Variants in GKAP1 observed in about 807,000 individuals in gnomAD.
The protein encoded by GKAP1 is G kinase-anchoring protein 1.
In GKAP1, 31 loss-of-function variants were observed where a neutral mutation model predicts 56.7. The observed-to-expected ratio is 0.55, with a 90% CI of 0.41 to 0.74. GKAP1 has a LOEUF of 0.74. GKAP1 is among the 30% of genes least tolerant of loss of function. The pLI is 0.00. For missense variants in GKAP1, 364 were observed against 402.3 expected (o/e 0.90, Z 0.82); for synonymous variants, 151 against 138.6 (o/e 1.09, Z -0.63).
chr9:83,815,086 C>T (rs1199386777), intron 2 of GKAP1, among the ~76,000 whole-genome samples: 3 of 152,122 alleles, frequency 2.0e-5, no homozygotes, highest in African/African-American at 4.8e-5. Context: ...GCAGGAGAAT[C>T]GCTTGAACCA....
intron 8 of GKAP1, among the ~76,000 whole-genome samples, chr9:83,759,547 T>A (rs143779505): frequency 6.6e-6 from 1 of 152,344 alleles, no homozygotes; most frequent in Non-Finnish European, 1.5e-5. Flanking sequence ...CATGTTGCTA[T>A]GTATAACTAC....
chr9:83,764,059 A>T (rs551751179), intron 8 of GKAP1, among the ~76,000 whole-genome samples: 1 of 152,320 alleles, frequency 6.6e-6, no homozygotes, highest in African/African-American at 2.4e-5. Context: ...AGGTGGCTTT[A>T]AAAAAGATAC....
chr9:83,806,701 A>G, intron 2 of GKAP1, 141 bp from the exon 3 acceptor site: 2 of 559,400 alleles, frequency 3.6e-6, no homozygotes, highest in Non-Finnish European at 6.3e-6. Context: ...CCACAGCACT[A>G]TTAGCAATAA....
rs144114006 is a variant in GKAP1, at chr9:83,759,892, C to T, written c.739-6533G>A. Reference sequence around the variant, plus strand: ...TCAAAAATCTTCAAAAAGTCTTTAACGTCTGCTGACTAAATTATAAACCAG... The same window carrying T: ...TCAAAAATCTTCAAAAAGTCTTTAATGTCTGCTGACTAAATTATAAACCAG... On this transcript the variant is annotated intron_variant, in intron 8 of 12. Coordinates refer to ENST00000376371, the MANE Select transcript of GKAP1 (RefSeq NM_025211.4). 3.9e-3 allele frequency among the ~76,000 whole-genome samples: 591 copies of T among 152,256 alleles called. 10 individuals carry two copies. The highest frequency in any genetic ancestry group is 0.013 in the African/African-American group (555 of 41,554).
At chr9:83,740,380 AAC>A (rs1187575469) in intron 12 of GKAP1, among the ~76,000 whole-genome samples, 1 of 152,172 alleles carries the variant, frequency 6.6e-6, no homozygotes, top group African/African-American at 2.4e-5. Flanking sequence ...AACATAACAT[AAC>A]ATAACATTTT....
intron 8 of GKAP1, among the ~76,000 whole-genome samples, chr9:83,767,541 T>C (rs1372969595): frequency 3.9e-5 from 6 of 152,074 alleles, no homozygotes; most frequent in Admixed American, 3.9e-4. Flanking sequence ...TTTTTATTTT[T>C]AGTGGAGACA....
In GKAP1 at chr9:83,780,423, CAA is replaced by C; in HGVS notation, c.563-21_563-20del. 1 of 498,574 alleles carries C rather than the reference CAA, an allele frequency of 2.0e-6. No individual in the cohort carries two copies. Among genetic ancestry groups the C allele is most frequent in the Non-Finnish European group, 2.9e-6 (1 of 343,306 alleles). 30.9% of individuals were successfully genotyped at this position (498,574 alleles called of 1,614,324 possible). A position where few individuals can be genotyped will look rare whatever the true frequency, so the allele number is the denominator to read the frequency against. On this transcript the variant is annotated intron_variant, in intron 6 of 12. Coordinates refer to ENST00000376371, the MANE Select transcript of GKAP1 (RefSeq NM_025211.4). The stretch of plus-strand genomic sequence containing the variant: ...ATGTGATCTGTAAATGAAAAAGAAA[CAA>C]AGATGAAACTTTATTGAAGGAATTT...
intron 2 of GKAP1, among the ~76,000 whole-genome samples, chr9:83,812,272 T>G (rs908494551): frequency 6.8e-6 from 1 of 147,976 alleles, no homozygotes; most frequent in Non-Finnish European, 1.5e-5. Flanking sequence ...TATATACACA[T>G]ATATATACAC....
chr9:83,784,669 G>A (rs1375577629), intron 6 of GKAP1, 46 bp downstream of exon 6: 3 of 1,343,310 alleles, frequency 2.2e-6, no homozygotes, highest in Middle Eastern at 2.0e-4. Flanking sequence ...GTATAAAACA[G>A]ATGTAGAATA....
chr9:83,804,091 G>C (rs1290554143), intron 3 of GKAP1, among the ~76,000 whole-genome samples: 1 of 150,312 alleles, frequency 6.7e-6, no homozygotes, highest in Non-Finnish European at 1.5e-5. Flanking sequence ...GAGCGTCTCC[G>C]CCCGGCAGCC....
intron 8 of GKAP1, among the ~76,000 whole-genome samples, chr9:83,759,177 A>G (rs984694820): frequency 6.6e-6 from 1 of 152,322 alleles, no homozygotes; most frequent in East Asian, 1.9e-4. Flanking sequence ...CCATGATTAC[A>G]GATTTTGTCG....
At position 83,768,824 on chromosome 9, in the gene GKAP1, G is replaced by C; in HGVS notation, c.732C>G (p.His244Gln). Residue 244 changes from histidine to glutamine, a missense_variant, in exon 8 of 13, where the codon CAC becomes CAG. Coordinates refer to ENST00000376371, the MANE Select transcript of GKAP1 (RefSeq NM_025211.4). ...AATTTTCTACTTTACATGCCTGGTT[G>C]TGTTCATGAGCTGTACAATTATCTG... The part of the protein sequence containing the change: ...NGTDNCTAHE[H>Q]NQEVVLKDGR... The C allele has an allele frequency of 6.2e-7, 1 of 1,609,216 alleles. No individual in the cohort carries two copies. Among genetic ancestry groups the C allele is most frequent in the Non-Finnish European group, 8.5e-7 (1 of 1,178,730 alleles).
At chr9:83,766,727 T>C (rs1054792071) in intron 8 of GKAP1, among the ~76,000 whole-genome samples, 10 of 152,198 alleles carry the variant, frequency 6.6e-5, no homozygotes, top group Non-Finnish European at 1.3e-4. Flanking sequence ...ATTGTAGGAA[T>C]CTGTCAAATT....
intron 4 of GKAP1, among the ~76,000 whole-genome samples, chr9:83,790,652 AC>A (rs1944141677): frequency 6.6e-6 from 1 of 151,570 alleles, no homozygotes; most frequent in Non-Finnish European, 1.5e-5. Flanking sequence ...AAAAAAACAA[AC>A]AAACAAAAAA....
At chr9:83,813,412 T>C (rs1481357715) in intron 2 of GKAP1, among the ~76,000 whole-genome samples, 1 of 152,198 alleles carries the variant, frequency 6.6e-6, no homozygotes, top group Admixed American at 6.5e-5. Flanking sequence ...AATCTAATGA[T>C]TATTTTATTT....
chr9:83,760,491 C>T (rs767073814), intron 8 of GKAP1, among the ~76,000 whole-genome samples: 4 of 152,112 alleles, frequency 2.6e-5, no homozygotes, highest in Admixed American at 6.6e-5. Flanking sequence ...AAACACTGGA[C>T]TTAATCTGCA....
intron 4 of GKAP1, among the ~76,000 whole-genome samples, chr9:83,796,839 T>TA (rs1944256465): frequency 6.6e-6 from 1 of 152,216 alleles, no homozygotes; most frequent in African/African-American, 2.4e-5. Context: ...TGCATTATTT[T>TA]ATCTTACTTT....
intron 4 of GKAP1, among the ~76,000 whole-genome samples, chr9:83,795,754 A>G (rs779110812): frequency 1.8e-4 from 28 of 152,000 alleles, no homozygotes; most frequent in Non-Finnish European, 3.5e-4. Flanking sequence ...GATTTGCCAT[A>G]TTGCCTAGGC....
At chr9:83,795,977 A>G (rs1166234905) in intron 4 of GKAP1, among the ~76,000 whole-genome samples, 1 of 152,144 alleles carries the variant, frequency 6.6e-6, no homozygotes, top group Non-Finnish European at 1.5e-5. Context: ...ATAGGCAACC[A>G]GTTTTCTCCT....
Sources: gnomAD v4.1 joint callset for allele counts (sites outside exome capture counted in the v4.1 genomes callset) on GRCh38, gnomAD v4.1.1 for gene constraint, MANE v1.5 for transcripts, NCBI Gene and HGNC (gene_info 2026-07-23, HGNC 2026-07-21) for gene names.